The following SYT16 variants were observed in gnomAD, a reference collection of about 807,000 sequenced individuals.
SYT16 encodes the protein synaptotagmin 16.
Under a neutral mutation model 61.4 loss-of-function variants are expected in SYT16, and 42 were observed. The observed-to-expected ratio is 0.68, with a 90% CI of 0.53 to 0.89. SYT16 has a LOEUF of 0.89. Ranked by LOEUF, SYT16 falls within the 40% of genes least tolerant of loss-of-function variation. The pLI is 0.00. For synonymous variants in SYT16, 314 were observed against 302.3 expected (o/e 1.04, Z -0.40); for missense variants, 804 against 807.3 (o/e 1.00, Z 0.05).
At chr14:62,095,747 G>C (rs2141012117) in intron 7 of SYT16, among the ~76,000 whole-genome samples, 1 of 151,820 alleles carries the variant, frequency 6.6e-6, no homozygotes, top group East Asian at 1.9e-4. Flanking sequence ...TTTTGTTTTA[G>C]TTTGTTTTTT....
chr14:61,907,531 G>A (rs1011061222), intron 1 of SYT16, among the ~76,000 whole-genome samples: 2 of 152,162 alleles, frequency 1.3e-5, no homozygotes, highest in African/African-American at 4.8e-5. Context: ...GGCATCAGAG[G>A]ATCCACTTGC....
intron 1 of SYT16, among the ~76,000 whole-genome samples, chr14:61,827,965 G>A (rs969729998): frequency 3.3e-5 from 5 of 152,194 alleles, no homozygotes; most frequent in Admixed American, 3.3e-4. Flanking sequence ...TGTATTTGAA[G>A]CTAGGGTTTT....
intron 1 of SYT16, among the ~76,000 whole-genome samples, chr14:61,880,053 T>G (rs1207045015): frequency 1.3e-5 from 2 of 152,212 alleles, no homozygotes; most frequent in Non-Finnish European, 2.9e-5. Context: ...TTATTTGCAC[T>G]CCATTTCCCA....
At chr14:61,858,911 GC>G (rs1434658590) in intron 1 of SYT16, among the ~76,000 whole-genome samples, 4 of 150,932 alleles carry the variant, frequency 2.7e-5, no homozygotes, top group South Asian at 4.2e-4. Flanking sequence ...CTGGAGTGCG[GC>G]TGTGCGATCT....
At chr14:61,923,164 A>G (rs1467490983) in intron 1 of SYT16, among the ~76,000 whole-genome samples, 11 of 152,226 alleles carry the variant, frequency 7.2e-5, no homozygotes, top group Admixed American at 7.2e-4. Flanking sequence ...TATTAGGGCA[A>G]CAAAAGAATA....
chr14:62,085,270 C>A (rs186656239), intron 7 of SYT16, among the ~76,000 whole-genome samples: 1 of 152,270 alleles, frequency 6.6e-6, no homozygotes, highest in East Asian at 1.9e-4. Context: ...AAGATGATTT[C>A]TTTTTTGCTT....
chr14:61,884,210 A>G (rs1265312590), intron 1 of SYT16, among the ~76,000 whole-genome samples: 1 of 152,238 alleles, frequency 6.6e-6, no homozygotes, highest in South Asian at 2.1e-4. Context: ...AATAGCAGGT[A>G]GATTTTCAGT....
At chr14:62,022,058 GGA>G (rs764741584) in intron 3 of SYT16, among the ~76,000 whole-genome samples, 1 of 149,780 alleles carries the variant, frequency 6.7e-6, no homozygotes, top group East Asian at 1.9e-4. Context: ...TTTTTTTTAA[GGA>G]GTGGGAGACA....
At chr14:61,920,800 C>T (rs761944404) in intron 1 of SYT16, among the ~76,000 whole-genome samples, 27 of 152,078 alleles carry the variant, frequency 1.8e-4, no homozygotes, top group South Asian at 4.2e-4. Context: ...TTTATAACAC[C>T]GTCGTGAATT....
chr14:62,074,789 A>G (rs1595354522), intron 4 of SYT16, among the ~76,000 whole-genome samples: 1 of 152,190 alleles, frequency 6.6e-6, no homozygotes, highest in Non-Finnish European at 1.5e-5. Flanking sequence ...CGATCTCCAT[A>G]TTAGATGACT....
chr14:62,018,575 G>A (rs1196161294), intron 3 of SYT16, among the ~76,000 whole-genome samples: 1 of 152,026 alleles, frequency 6.6e-6, no homozygotes, highest in Non-Finnish European at 1.5e-5. Context: ...CCAAAGTGCT[G>A]GGATTACAGG....
intron 1 of SYT16, among the ~76,000 whole-genome samples, chr14:61,884,488 A>G (rs1339942287): frequency 1.3e-5 from 2 of 152,202 alleles, no homozygotes; most frequent in South Asian, 2.1e-4. Flanking sequence ...ATATCCTACA[A>G]TGAAAAAATC....
chr14:61,887,878 C>T (rs1594834144), intron 1 of SYT16, among the ~76,000 whole-genome samples: 1 of 152,302 alleles, frequency 6.6e-6, no homozygotes, highest in South Asian at 2.1e-4. Context: ...GCTTTCTTAC[C>T]ATGCCTGTGT....
chr14:62,051,893 G>C (rs2055318550), intron 3 of SYT16, among the ~76,000 whole-genome samples: 1 of 152,138 alleles, frequency 6.6e-6, no homozygotes, highest in Non-Finnish European at 1.5e-5. Flanking sequence ...TTAGCTGGGT[G>C]TGGTGGCACA....
intron 3 of SYT16, among the ~76,000 whole-genome samples, chr14:62,064,334 G>GAAAAAAAA (rs781727444): frequency 2.4e-3 from 103 of 42,976 alleles, no homozygotes; most frequent in Non-Finnish European, 3.4e-3. Context: ...CTTTAAATTT[G>GAAAAAAAA]AAAAAAAAAA....
At chr14:61,949,409 C>G (rs2050577202) in intron 1 of SYT16, among the ~76,000 whole-genome samples, 2 of 152,214 alleles carry the variant, frequency 1.3e-5, no homozygotes, top group South Asian at 4.1e-4. Flanking sequence ...CTGAGTATCT[C>G]TGTGTGAACG....
chr14:62,038,798 A>T (rs1033223308), intron 3 of SYT16, among the ~76,000 whole-genome samples: 1 of 152,212 alleles, frequency 6.6e-6, no homozygotes, highest in Non-Finnish European at 1.5e-5. Flanking sequence ...GGGCTTCAGT[A>T]ACTTCATCTG....
chr14:61,913,541 A>G (rs1323348073), intron 1 of SYT16, among the ~76,000 whole-genome samples: 1 of 152,218 alleles, frequency 6.6e-6, no homozygotes. Flanking sequence ...GTGATGTACA[A>G]TTATTGTCTT....
At position 62,103,376 on chromosome 14, in the gene SYT16, T is replaced by G. The variant is rs1285135687; in HGVS notation, c.*2669T>G. 6.6e-6 allele frequency: 1 copy of G among 152,184 alleles called. No homozygotes were observed. The highest frequency in any genetic ancestry group is 2.4e-5 in the African/African-American group (1 of 41,448). The allele number at this position is 152,184 out of a possible 1,614,324, so 9.4% of individuals were successfully genotyped here. ...GATTTGACATTGAAGCAGCACTGGT[T>G]TTTGTTGCTTGAGTAGGTCTTTCAG... On this transcript the variant is annotated 3_prime_UTR_variant, in exon 8 of 8. Coordinates refer to ENST00000683842, the MANE Select transcript of SYT16 (RefSeq NM_001367656.1).
Sources: gnomAD v4.1 joint callset for allele counts (sites outside exome capture counted in the v4.1 genomes callset) on GRCh38, gnomAD v4.1.1 for gene constraint, MANE v1.5 for transcripts, NCBI Gene and HGNC (gene_info 2026-07-23, HGNC 2026-07-21) for gene names.